CASZ1: variants seen among roughly 807,000 people sequenced by gnomAD.
CASZ1 encodes zinc finger protein castor homolog 1.
CASZ1 carries 28 observed loss-of-function variants against 135.2 expected under a neutral mutation model. The ratio of observed to expected loss-of-function variants is 0.21; its 90% CI spans 0.15 to 0.28. The LOEUF is 0.28. CASZ1 is among the 10% of genes least tolerant of loss of function. CASZ1 has a pLI of 1.00. For synonymous variants in CASZ1, 1,068 were observed against 1,073.4 expected (o/e 0.99, Z 0.10); for missense variants, 2,161 against 2,453.3 (o/e 0.88, Z 2.52).
rs1639780000 is a variant in CASZ1, at chr1:10,735,442, G to A, written c.-77+25259C>T. Among the ~76,000 whole-genome samples, 1 of 152,120 alleles carries A rather than the reference G, an allele frequency of 6.6e-6. No individual in the cohort carries two copies. Among genetic ancestry groups the A allele is most frequent in the Non-Finnish European group, 1.5e-5 (1 of 68,026 alleles). On this transcript the variant is annotated intron_variant, in intron 2 of 20. Coordinates refer to ENST00000377022, the MANE Select transcript of CASZ1 (RefSeq NM_001079843.3). This position sits in a 1 kb window ranked among gnomAD's most constrained non-coding sequence, Gnocchi z 5.1. The stretch of plus-strand genomic sequence containing the variant: ...GGGGACTGGCGGAGTCAGGCGCCAG[G>A]GCTGCCTCCCTCTGCTCCCGCTGCC...
At position 10,790,952 on chromosome 1, in the gene CASZ1, A is replaced by T. The variant is rs544233652; in HGVS notation, c.-234+5612T>A. 2.6e-5 allele frequency among the ~76,000 whole-genome samples: 4 copies of T among 152,178 alleles called. No individual in the cohort carries two copies. In the East Asian group the frequency reaches 7.7e-4, roughly 29 times the overall value. On this transcript the variant is annotated intron_variant, in intron 1 of 20. Coordinates refer to ENST00000377022, the MANE Select transcript of CASZ1 (RefSeq NM_001079843.3). The stretch of plus-strand genomic sequence containing the variant: ...GCAAAGGTCCATTTGTAAAGGGTAG[A>T]TCATAAAAGGTGATTTTTTTTTTAA...
In CASZ1 at chr1:10,741,629, C is replaced by T. The variant is rs1167454887; in HGVS notation, c.-77+19072G>A. 6.6e-6 allele frequency among the ~76,000 whole-genome samples: 1 copy of T among 152,148 alleles called. No individual in the cohort carries two copies. The highest frequency in any genetic ancestry group is 1.5e-5 in the Non-Finnish European group (1 of 68,026). On this transcript the variant is annotated intron_variant, in intron 2 of 20. Coordinates refer to ENST00000377022, the MANE Select transcript of CASZ1 (RefSeq NM_001079843.3). This position sits in a 1 kb window ranked among gnomAD's most constrained non-coding sequence, Gnocchi z 5.0. The stretch of plus-strand genomic sequence containing the variant: ...AAAAACAAACCCAACCACCGAAACT[C>T]ACCCTCAACTGAGAATCCACAAGGA...
intron 9 of CASZ1, 27 bp from the exon 10 acceptor site, chr1:10,654,618 C>G: frequency 6.2e-7 from 1 of 1,604,112 alleles, no homozygotes; most frequent in Non-Finnish European, 8.5e-7. Context: ...GGTGGTCAGG[C>G]GAACGGAGGC....
chr1:10,649,619 C>T (rs1488013831), intron 13 of CASZ1, 182 bp from the exon 14 acceptor site: 3 of 667,060 alleles, frequency 4.5e-6, no homozygotes, highest in African/African-American at 1.8e-5. Context: ...AGAGAGCCTG[C>T]TGTGCTGCCC....
At chr1:10,785,459 G>A (rs1006259520) in intron 1 of CASZ1, among the ~76,000 whole-genome samples, 1 of 152,192 alleles carries the variant, frequency 6.6e-6, no homozygotes, top group Non-Finnish European at 1.5e-5. Context: ...ACAGTGAAAT[G>A]GGAGAGGCCG....
At chr1:10,705,794 A>G (rs958706920) in intron 2 of CASZ1, among the ~76,000 whole-genome samples, 2 of 152,258 alleles carry the variant, frequency 1.3e-5, no homozygotes, top group Non-Finnish European at 2.9e-5. Context: ...TGCAGGGGCA[A>G]TGTGGTCCTC....
chr1:10,649,014 GA>G (rs1465289331), intron 15 of CASZ1, 55 bp downstream of exon 15: 2 of 1,593,486 alleles, frequency 1.3e-6, no homozygotes, highest in Non-Finnish European at 1.7e-6. Flanking sequence ...ACCCACCCCA[GA>G]GCCAGGCTGG....
In CASZ1 at chr1:10,642,939, G is replaced by A. The variant is rs763715781; in HGVS notation, c.4082C>T (p.Pro1361Leu). ...DECMDYTGCSPGAMSSESSTM... is the reference protein window; with the variant it reads ...DECMDYTGCSLGAMSSESSTM... Reference sequence around the variant, plus strand: ...GGATGACTCAGAGGACATGGCGCCTGGGCTGCAGCCAGTGTAGTCCATGCA... The same window carrying A: ...GGATGACTCAGAGGACATGGCGCCTAGGCTGCAGCCAGTGTAGTCCATGCA... The change falls in exon 20 of 21, where the codon CCA becomes CTA. Residue 1361 changes from proline (P) to leucine (L), a missense_variant. Transcript: ENST00000377022. The A allele has an allele frequency of 6.2e-6, 10 of 1,612,946 alleles. No homozygotes were observed.
intron 3 of CASZ1, among the ~76,000 whole-genome samples, chr1:10,704,041 G>A (rs946918512): frequency 3.3e-5 from 5 of 152,306 alleles, no homozygotes; most frequent in South Asian, 2.1e-4. Flanking sequence ...CCTCATGGGC[G>A]GAGGTTTCTA....
intron 5 of CASZ1, 33 bp from the exon 6 acceptor site, chr1:10,660,569 G>A: frequency 6.4e-7 from 1 of 1,563,044 alleles, no homozygotes; most frequent in Non-Finnish European, 8.7e-7. Context: ...ATCACCTCTG[G>A]GAGGGAGTGG....
chr1:10,658,579 G>A lies in CASZ1; in HGVS notation c.1341-3C>T. 1 of 1,613,866 alleles carries A rather than the reference G, an allele frequency of 6.2e-7. No homozygotes were observed. The highest frequency in any genetic ancestry group is 8.5e-7 in the Non-Finnish European group (1 of 1,179,768). ...GTTTATCTGTGGGCAGTCCGTTCCT[G>A]GCAAGAGACACACAGGGCACAGCCG... On this transcript the variant is annotated splice_region_variant and splice_polypyrimidine_tract_variant and intron_variant, in intron 6 of 20. Transcript: ENST00000377022.
intron 9 of CASZ1, among the ~76,000 whole-genome samples, chr1:10,655,205 A>G (rs1471977889): frequency 6.6e-6 from 1 of 152,182 alleles, no homozygotes; most frequent in Non-Finnish European, 1.5e-5. Flanking sequence ...AACTCCTGAC[A>G]AATACCGGGG....
Position 10,653,977 on chromosome 1 carries a change from G to A in CASZ1, c.2080C>T (p.Arg694Cys), listed in dbSNP as rs1470591711. ...GCGCCCGAGGAGCGGATGTGCCGGC[G>A]CTCATGCTTGCGCTTGTGAGAGGTC... The part of the protein sequence containing the change: ...QMTSHKRKHE[R>C]RHIRSSGALG... Residue 694 changes from arginine (R) to cysteine (C), a missense_variant, in exon 11 of 21, where the codon CGC becomes TGC. This residue lies in a region of CASZ1 where 248 missense variants were observed against 410.8 expected (regional missense o/e 0.60). Coordinates refer to ENST00000377022, the MANE Select transcript of CASZ1 (RefSeq NM_001079843.3). The A allele has an allele frequency of 1.5e-5, 24 of 1,613,898 alleles. No individual in the cohort carries two copies. The highest frequency in any genetic ancestry group is 1.9e-5 in the Non-Finnish European group (23 of 1,179,936).
Position 10,709,404 on chromosome 1 carries a change from C to T in CASZ1, c.-76-3860G>A, listed in dbSNP as rs1239456804. Among the ~76,000 whole-genome samples, 1 of 152,182 alleles carries T rather than the reference C, an allele frequency of 6.6e-6. No homozygotes were observed. The highest frequency in any genetic ancestry group is 1.5e-5 in the Non-Finnish European group (1 of 68,036). On this transcript the variant is annotated intron_variant, in intron 2 of 20. Coordinates refer to ENST00000377022, the MANE Select transcript of CASZ1 (RefSeq NM_001079843.3). The surrounding 1 kb of genome is among the most constrained non-coding windows in gnomAD (Gnocchi z 5.1). ...AGTGTGAGGAGGGGGGCGGCATAGA[C>T]AACAGGGGCAGCGTCATGGAAACGG...
chr1:10,639,202 A>G lies in CASZ1; in HGVS notation c.5020T>C (p.Ser1674Pro). 1 of 963,216 alleles carries G rather than the reference A, an allele frequency of 1.0e-6. No homozygotes were observed. 59.7% of individuals were successfully genotyped at this position (963,216 alleles called of 1,614,324 possible). A position where few individuals can be genotyped will look rare whatever the true frequency, so the allele number is the denominator to read the frequency against. ...AGCTCCTCCTCCTCGTCCTCCTGCGAGGACTCCCCAGCTGCGGCGGCGGCG... is the reference window on the plus strand; with the variant it reads ...AGCTCCTCCTCCTCGTCCTCCTGCGGGGACTCCCCAGCTGCGGCGGCGGCG... ...AAAAAAAGESSQEDEEEELEL... is the reference protein window; with the variant it reads ...AAAAAAAGESPQEDEEEELEL... Residue 1674 changes from serine to proline, a missense_variant, in exon 21 of 21, where the codon TCG becomes CCG. By Grantham distance (74) the Ser-to-Pro change is moderately conservative. Around this residue, in one of 7 missense-constraint regions of CASZ1, gnomAD observed 185 missense variants for 134.7 expected, o/e 1.37. Coordinates refer to ENST00000377022, the MANE Select transcript of CASZ1 (RefSeq NM_001079843.3). This position sits in a 1 kb window ranked among gnomAD's most constrained non-coding sequence, Gnocchi z 4.0.
intron 2 of CASZ1, among the ~76,000 whole-genome samples, chr1:10,732,653 G>T (rs79320379): frequency 0.021 from 3,206 of 152,302 alleles, 119 homozygotes; most frequent in African/African-American, 0.073. Context: ...AGAGGCAGAG[G>T]AGGGGGAGAT....
chr1:10,645,614 G>C (rs964307396), intron 17 of CASZ1, among the ~76,000 whole-genome samples: 1 of 152,188 alleles, frequency 6.6e-6, no homozygotes, highest in Non-Finnish European at 1.5e-5. Flanking sequence ...CCCATACCTA[G>C]AGCAGACATC....
At chr1:10,792,937 C>G (rs1395404833) in intron 1 of CASZ1, among the ~76,000 whole-genome samples, 1 of 151,972 alleles carries the variant, frequency 6.6e-6, no homozygotes, top group Non-Finnish European at 1.5e-5. Flanking sequence ...GCTAATTTTC[C>G]TAAAACAGAT....
chr1:10,761,733 AG>A (rs1640378412), intron 1 of CASZ1, among the ~76,000 whole-genome samples: 1 of 152,190 alleles, frequency 6.6e-6, no homozygotes, highest in South Asian at 2.1e-4. Context: ...TTTAGAAAAA[AG>A]GAGCTCATGC....
Sources: allele counts gnomAD v4.1 joint callset (sites outside exome capture counted in the v4.1 genomes callset), GRCh38; gene constraint gnomAD v4.1.1; regional missense constraint gnomAD v4.1.1; non-coding constraint Gnocchi (gnomAD v3.1); transcripts MANE v1.5; gene names NCBI Gene and HGNC (gene_info 2026-07-23, HGNC 2026-07-21).